The following OTUD3 variants were observed in gnomAD, a reference collection of about 807,000 sequenced individuals.
The protein encoded by OTUD3 is OTU deubiquitinase 3.
Under a neutral mutation model 46.2 loss-of-function variants are expected in OTUD3, and 24 were observed. That is an observed-to-expected ratio of 0.52 (90% CI 0.38 to 0.73). The LOEUF (loss-of-function observed/expected upper bound fraction) is 0.73. OTUD3 is among the 30% of genes least tolerant of loss of function. The pLI is 0.00. For synonymous variants in OTUD3, 189 were observed against 195.4 expected (o/e 0.97, Z 0.27); for missense variants, 455 against 523.3 (o/e 0.87, Z 1.27).
Position 19,882,594 on chromosome 1 carries a change from G to T in OTUD3, c.81G>T (p.Arg27=), listed in dbSNP as rs1423138599. The change falls in exon 1 of 8, where the codon CGG becomes CGT. Residue 27 remains arginine (R), a synonymous_variant. Transcript: ENST00000375120. ...KAEAERKRDE[R]AARRALAKER... is the part of the protein sequence containing the mutation. ...AGGCCGAGCGCAAGCGGGACGAGCG[G>T]GCGGCGCGCCGGGCCCTGGCCAAGG... 1.4e-6 allele frequency: 2 copies of T among 1,423,276 alleles called. No homozygotes were observed. The highest frequency in any genetic ancestry group is 1.8e-6 in the Non-Finnish European group (2 of 1,092,574). The allele number at this position is 1,423,276 out of a possible 1,614,324, so 88.2% of individuals were successfully genotyped here.
chr1:19,906,325 C>T, intron 6 of OTUD3, 107 bp from the exon 7 acceptor site: 1 of 928,038 alleles, frequency 1.1e-6, no homozygotes, highest in Non-Finnish European at 1.6e-6. Context: ...AACTTACTTC[C>T]CTTATGACTG....
intron 7 of OTUD3, chr1:19,906,929 C>T (rs1042449499): frequency 9.7e-6 from 2 of 206,176 alleles, no homozygotes; most frequent in Non-Finnish European, 2.0e-5. Flanking sequence ...TTATAAATGC[C>T]ATGATCTGCA....
intron 1 of OTUD3, among the ~76,000 whole-genome samples, chr1:19,885,479 AG>A (rs1449582420): frequency 1.3e-5 from 2 of 152,126 alleles, no homozygotes; most frequent in African/African-American, 4.8e-5. Flanking sequence ...CCTCAGACGG[AG>A]TCTTACTCTG....
chr1:19,884,495 G>T (rs1363573903), intron 1 of OTUD3, among the ~76,000 whole-genome samples: 1 of 152,218 alleles, frequency 6.6e-6, no homozygotes, highest in Non-Finnish European at 1.5e-5. Context: ...GCCTAAGGTA[G>T]AAACACGTAA....
At chr1:19,907,426 A>G in intron 7 of OTUD3, 144 bp from the exon 8 acceptor site, 1 of 647,410 alleles carries the variant, frequency 1.5e-6, no homozygotes, top group South Asian at 2.2e-5. Context: ...AGCAGTGGAC[A>G]GTAAATCATC....
intron 2 of OTUD3, 23 bp downstream of exon 2, chr1:19,890,556 T>C: frequency 6.2e-7 from 1 of 1,610,516 alleles, no homozygotes; most frequent in East Asian, 2.2e-5. Context: ...TGGGACATTG[T>C]GTCCTTCAGG....
intron 2 of OTUD3, among the ~76,000 whole-genome samples, chr1:19,894,074 G>A (rs537238954): frequency 6.6e-6 from 1 of 152,302 alleles, no homozygotes; most frequent in South Asian, 2.1e-4. Context: ...AGATTACTGT[G>A]TTTATTGTTA....
At chr1:19,900,439 C>T (rs974277297) in intron 4 of OTUD3, among the ~76,000 whole-genome samples, 3 of 152,026 alleles carry the variant, frequency 2.0e-5, no homozygotes, top group African/African-American at 7.3e-5. Flanking sequence ...ACCCTCCTGC[C>T]TCGACCACCC....
At chr1:19,904,218 ATAGT>A in intron 4 of OTUD3, 45 bp from the exon 5 acceptor site, 1 of 1,462,748 alleles carries the variant, frequency 6.8e-7, no homozygotes, top group South Asian at 1.3e-5. Flanking sequence ...GATTCTGAAC[ATAGT>A]TTGATTCTCA....
At chr1:19,887,637 G>A (rs1334249546) in intron 1 of OTUD3, among the ~76,000 whole-genome samples, 2 of 152,156 alleles carry the variant, frequency 1.3e-5, no homozygotes, top group Non-Finnish European at 2.9e-5. Flanking sequence ...CTATGTCTCT[G>A]TGGCTTCCAG....
intron 4 of OTUD3, among the ~76,000 whole-genome samples, chr1:19,903,152 A>C (rs146362515): frequency 1.7e-4 from 24 of 144,974 alleles, no homozygotes; most frequent in African/African-American, 5.9e-4. Context: ...GGCTCAAGCC[A>C]TCCTCCCAGC....
chr1:19,896,653 A>G (rs1379293957), intron 3 of OTUD3, among the ~76,000 whole-genome samples: 1 of 152,150 alleles, frequency 6.6e-6, no homozygotes, highest in Non-Finnish European at 1.5e-5. Context: ...GTATCTTACT[A>G]TGTGTGATTT....
chr1:19,901,863 T>C (rs982710762), intron 4 of OTUD3, among the ~76,000 whole-genome samples: 4 of 152,260 alleles, frequency 2.6e-5, no homozygotes, highest in African/African-American at 9.6e-5. Context: ...TTTTTATGGC[T>C]GAATAATATT....
At chr1:19,901,685 C>T (rs1351633454) in intron 4 of OTUD3, among the ~76,000 whole-genome samples, 1 of 152,196 alleles carries the variant, frequency 6.6e-6, no homozygotes, top group South Asian at 2.1e-4. Flanking sequence ...TCCCAATTCC[C>T]CCTCTCCCCT....
chr1:19,889,775 A>G (rs748856874), intron 1 of OTUD3, among the ~76,000 whole-genome samples: 12 of 152,232 alleles, frequency 7.9e-5, no homozygotes, highest in Non-Finnish European at 1.6e-4. Flanking sequence ...TGAGGAGGCA[A>G]GGAGGAAGTG....
At chr1:19,883,404 G>A (rs530362063) in intron 1 of OTUD3, among the ~76,000 whole-genome samples, 18 of 152,228 alleles carry the variant, frequency 1.2e-4, no homozygotes, top group African/African-American at 3.9e-4. Flanking sequence ...TCAAGAAAGG[G>A]GATATGGCTC....
chr1:19,901,492 A>G (rs2045588986), intron 4 of OTUD3, among the ~76,000 whole-genome samples: 1 of 152,256 alleles, frequency 6.6e-6, no homozygotes, highest in Admixed American at 6.5e-5. Flanking sequence ...GGTATCCCAC[A>G]GAACCCCTCT....
Position 19,910,446 on chromosome 1 carries a change from T to G in OTUD3, c.*2700T>G, listed in dbSNP as rs2045720616. ...CATTTTAGTGGCAACAGCTTTGAAC[T>G]AGAGAGGTAGATGTATTAAAGCAGC... On this transcript the variant is annotated 3_prime_UTR_variant, in exon 8 of 8. Coordinates refer to ENST00000375120, the MANE Select transcript of OTUD3 (RefSeq NM_015207.2). The G allele has an allele frequency of 6.6e-6, 1 of 152,298 alleles. No homozygotes were observed. The highest frequency in any genetic ancestry group is 1.5e-5 in the Non-Finnish European group (1 of 68,034). 9.4% of individuals were successfully genotyped at this position (152,298 alleles called of 1,614,324 possible).
In OTUD3 at chr1:19,883,563, TC is replaced by T. The variant is rs767428931; in HGVS notation, c.221+831del. On this transcript the variant is annotated intron_variant, in intron 1 of 7. Transcript: ENST00000375120. ...AATAACAGCCTGGCTTTTGTTTTTT[TC>T]CTCCCCGTATTTGAGTGCTCAGATC... 4.6e-5 allele frequency among the ~76,000 whole-genome samples: 7 copies of T among 152,296 alleles called. No individual in the cohort carries two copies. The East Asian group carries it at 7.7e-4, about 17-fold the overall frequency.
Sources: gnomAD v4.1 joint callset for allele counts (sites outside exome capture counted in the v4.1 genomes callset) on GRCh38, gnomAD v4.1.1 for gene constraint, MANE v1.5 for transcripts, NCBI Gene and HGNC (gene_info 2026-07-23, HGNC 2026-07-21) for gene names.